The following STK3 variants were observed in gnomAD, a reference collection of about 807,000 sequenced individuals.
STK3 encodes the protein serine/threonine kinase 3.
In STK3, 41 loss-of-function variants were observed where a neutral mutation model predicts 58.0. The observed-to-expected ratio is 0.71, with a 90% CI of 0.55 to 0.92. STK3 has a LOEUF of 0.92. Among genes scored for constraint, STK3 ranks in the 40% least tolerant of loss-of-function variants. STK3 has a pLI of 0.00. For synonymous variants in STK3, 170 were observed against 191.0 expected (o/e 0.89, Z 0.91); for missense variants, 479 against 602.7 (o/e 0.79, Z 2.15).
downstream of STK3, chr8:98,881,978 C>T (rs1370940604): frequency 2.6e-5 from 4 of 151,936 alleles, no homozygotes; most frequent in African/African-American, 9.7e-5. Flanking sequence ...TGGAGCAAGA[C>T]CCTGTTTCTA....
chr8:98,526,650 A>T (rs1434358942), intron 10 of STK3, 92 bp downstream of exon 10: 1 of 1,052,694 alleles, frequency 9.5e-7, no homozygotes, highest in East Asian at 2.7e-5. Flanking sequence ...ATATACATAC[A>T]CACAGTTCAT....
chr8:98,529,617 G>A (rs2131499613), intron 9 of STK3, among the ~76,000 whole-genome samples: 1 of 152,268 alleles, frequency 6.6e-6, no homozygotes, highest in South Asian at 2.1e-4. Context: ...AGAGATAACT[G>A]TAACCCCATG....
At chr8:98,704,557 A>G (rs1435096430) in intron 6 of STK3, among the ~76,000 whole-genome samples, 1 of 151,170 alleles carries the variant, frequency 6.6e-6, no homozygotes, top group Non-Finnish European at 1.5e-5. Context: ...AACTGGTAGG[A>G]TTTAGATTTA....
chr8:98,597,618 T>C (rs1815940869), intron 6 of STK3: 2 of 985,308 alleles, frequency 2.0e-6, no homozygotes, highest in Non-Finnish European at 2.4e-6. Context: ...CAATCTCACA[T>C]TGCCACAAGA....
At chr8:98,631,649 C>G (rs143237751) in intron 6 of STK3, among the ~76,000 whole-genome samples, 5 of 147,622 alleles carry the variant, frequency 3.4e-5, no homozygotes, top group African/African-American at 1.2e-4. Context: ...ACCTGATATG[C>G]TATAGTTTTC....
chr8:98,656,240 A>G (rs1821505778), intron 6 of STK3, among the ~76,000 whole-genome samples: 1 of 152,148 alleles, frequency 6.6e-6, no homozygotes, highest in Non-Finnish European at 1.5e-5. Context: ...CAAGGACAAA[A>G]AACCAAACAC....
At chr8:98,702,358 A>T (rs1277070801) in intron 6 of STK3, among the ~76,000 whole-genome samples, 1 of 152,348 alleles carries the variant, frequency 6.6e-6, no homozygotes, top group Admixed American at 6.5e-5. Context: ...GCAAATTTCC[A>T]ATTTAACCAC....
chr8:98,687,712 C>T (rs1445294930), intron 6 of STK3, among the ~76,000 whole-genome samples: 1 of 152,092 alleles, frequency 6.6e-6, no homozygotes, highest in Non-Finnish European at 1.5e-5. Context: ...AATGTATTTC[C>T]CAGACAAGCA....
At chr8:98,640,418 T>A (rs7004864) in intron 6 of STK3, among the ~76,000 whole-genome samples, 2,293 of 152,256 alleles carry the variant, frequency 0.015, 67 homozygotes, top group African/African-American at 0.053. Context: ...AAGAATATAT[T>A]CTTTTGTAGT....
chr8:98,604,137 C>A (rs746858801), intron 6 of STK3, among the ~76,000 whole-genome samples: 1 of 152,306 alleles, frequency 6.6e-6, no homozygotes, highest in East Asian at 1.9e-4. Flanking sequence ...AGAATGTGGG[C>A]AGCCTTTAGA....
intron 6 of STK3, among the ~76,000 whole-genome samples, chr8:98,700,700 C>G (rs1030246772): frequency 3.3e-5 from 5 of 152,138 alleles, no homozygotes; most frequent in African/African-American, 1.2e-4. Flanking sequence ...TTCAGTATTG[C>G]ATTGCATAGA....
chr8:98,887,796 T>G (rs1838046219), intron 1 of STK3, among the ~76,000 whole-genome samples: 1 of 152,212 alleles, frequency 6.6e-6, no homozygotes, highest in African/African-American at 2.4e-5. Context: ...GACTCCATTC[T>G]GGACAAGGCC....
At chr8:98,685,201 A>C (rs1823900376) in intron 6 of STK3, among the ~76,000 whole-genome samples, 2 of 152,200 alleles carry the variant, frequency 1.3e-5, no homozygotes, top group African/African-American at 4.8e-5. Flanking sequence ...TTTCTCAGTA[A>C]GTATTACTCT....
At chr8:98,750,185 C>G (rs1587510002) in intron 3 of STK3, among the ~76,000 whole-genome samples, 1 of 151,974 alleles carries the variant, frequency 6.6e-6, no homozygotes, top group South Asian at 2.1e-4. Flanking sequence ...TGGAATCATC[C>G]AAAGAGAACT....
chr8:98,607,606 C>T (rs1425379957), intron 6 of STK3, among the ~76,000 whole-genome samples: 1 of 152,142 alleles, frequency 6.6e-6, no homozygotes, highest in African/African-American at 2.4e-5. Context: ...ACTATACCTG[C>T]TACATAATGA....
At chr8:98,813,973 TA>T (rs1834380873) in intron 1 of STK3, among the ~76,000 whole-genome samples, 1 of 151,958 alleles carries the variant, frequency 6.6e-6, no homozygotes, top group Non-Finnish European at 1.5e-5. Context: ...TCATACATTT[TA>T]ATCCAGTTCG....
chr8:98,679,607 T>C (rs566298540), intron 6 of STK3, among the ~76,000 whole-genome samples: 2 of 152,336 alleles, frequency 1.3e-5, no homozygotes, highest in South Asian at 4.1e-4. Context: ...CCTTTGTTTT[T>C]CCTGCTGCTG....
chr8:98,813,044 A>G (rs1235599517), intron 1 of STK3, among the ~76,000 whole-genome samples: 2 of 151,834 alleles, frequency 1.3e-5, no homozygotes, highest in African/African-American at 4.8e-5. Flanking sequence ...ATAAAAAAAA[A>G]AAAAAGAAAG....
intron 6 of STK3, among the ~76,000 whole-genome samples, chr8:98,623,451 TAAG>T (rs939234110): frequency 2.0e-5 from 3 of 152,140 alleles, no homozygotes; most frequent in African/African-American, 2.4e-5. Flanking sequence ...TGTGTCCTTA[TAAG>T]AAGAAGAAGA....
Sources: gnomAD v4.1 joint callset for allele counts (sites outside exome capture counted in the v4.1 genomes callset) on GRCh38, gnomAD v4.1.1 for gene constraint, MANE v1.5 for transcripts, NCBI Gene and HGNC (gene_info 2026-07-23, HGNC 2026-07-21) for gene names.